Variants in DHRSX observed in about 807,000 individuals in gnomAD.
The protein encoded by DHRSX is polyprenol dehydrogenase.
DHRSX carries 31 observed loss-of-function variants against 34.0 expected under a neutral mutation model. The ratio of observed to expected loss-of-function variants is 0.91; its 90% CI spans 0.69 to 1.23. The LOEUF is 1.23. Ranked by LOEUF, DHRSX falls within the 50% of genes most tolerant of loss-of-function variation. DHRSX has a pLI of 0.00. For missense variants in DHRSX, 414 were observed against 428.1 expected, an observed-to-expected ratio of 0.97 and a Z score of 0.29; for synonymous variants, 201 against 183.8, an observed-to-expected ratio of 1.09 and a Z score of -0.76.
At chrX:2,418,550 T>C (rs935450259) in intron 2 of DHRSX, among the ~76,000 whole-genome samples, 1 of 152,188 alleles carries the variant, frequency 6.6e-6, no homozygotes, top group Non-Finnish European at 1.5e-5. Context: ...CCTAGCTAAA[T>C]TAAGAATTAA....
intron 1 of DHRSX, among the ~76,000 whole-genome samples, chrX:2,470,514 C>G (rs773343980): frequency 4.6e-5 from 7 of 152,056 alleles, no homozygotes; most frequent in Non-Finnish European, 7.4e-5. Flanking sequence ...TCAAGACCAG[C>G]CTGAGCAACA....
intron 2 of DHRSX, among the ~76,000 whole-genome samples, chrX:2,419,622 A>G (rs1000721134): frequency 2.0e-5 from 3 of 152,160 alleles, no homozygotes; most frequent in East Asian, 1.9e-4. Context: ...TATACACCAC[A>G]GAATACTATG....
At chrX:2,431,719 C>T (rs1213820515) in intron 1 of DHRSX, among the ~76,000 whole-genome samples, 1 of 152,030 alleles carries the variant, frequency 6.6e-6, no homozygotes, top group African/African-American at 2.4e-5. Flanking sequence ...TACAGATGGA[C>T]ATAAAGATGG....
chrX:2,495,267 T>C (rs2045252787), intron 1 of DHRSX, among the ~76,000 whole-genome samples: 2 of 151,596 alleles, frequency 1.3e-5, no homozygotes, highest in African/African-American at 4.8e-5. Context: ...AAGGTTTATA[T>C]TTTATCATTA....
chrX:2,243,788 G>GTTATTTT (rs2016203327), intron 5 of DHRSX, among the ~76,000 whole-genome samples: 1 of 25,168 alleles, frequency 4.0e-5, no homozygotes, highest in Non-Finnish European at 1.1e-4. Context: ...TATGCTCCCT[G>GTTATTTT]TTTTTTTTTT....
intron 1 of DHRSX, among the ~76,000 whole-genome samples, chrX:2,446,672 A>C (rs1433959205): frequency 6.6e-6 from 1 of 150,786 alleles, no homozygotes; most frequent in African/African-American, 2.4e-5. Context: ...TTCCCTAAAA[A>C]TGTGGCCAAG....
intron 1 of DHRSX, among the ~76,000 whole-genome samples, chrX:2,449,559 A>T (rs2044188775): frequency 6.6e-6 from 1 of 152,118 alleles, no homozygotes; most frequent in African/African-American, 2.4e-5. Flanking sequence ...CAGTGGCATG[A>T]TGCTAGCTCA....
chrX:2,263,669 A>G (rs2041396305), intron 5 of DHRSX, among the ~76,000 whole-genome samples: 1 of 151,402 alleles, frequency 6.6e-6, no homozygotes, highest in Non-Finnish European at 1.5e-5. Flanking sequence ...GTCCACCACC[A>G]CGCCTGGCTA....
chrX:2,434,068 G>A (rs925759521), intron 1 of DHRSX, among the ~76,000 whole-genome samples: 47 of 152,132 alleles, frequency 3.1e-4, no homozygotes, highest in Non-Finnish European at 5.9e-4. Flanking sequence ...GTGAGCCACC[G>A]CGCCCGGTCT....
At chrX:2,276,541 A>G (rs2041653662) in intron 4 of DHRSX, among the ~76,000 whole-genome samples, 1 of 152,138 alleles carries the variant, frequency 6.6e-6, no homozygotes. Context: ...ACGCAATACA[A>G]TTATCGTTCA....
At chrX:2,478,546 G>A (rs1380719600) in intron 1 of DHRSX, among the ~76,000 whole-genome samples, 3 of 151,970 alleles carry the variant, frequency 2.0e-5, no homozygotes, top group Non-Finnish European at 4.4e-5. Context: ...CCACCAGTGT[G>A]TACACATTGA....
intron 3 of DHRSX, among the ~76,000 whole-genome samples, chrX:2,361,794 C>G (rs915283425): frequency 6.6e-6 from 1 of 152,104 alleles, no homozygotes; most frequent in African/African-American, 2.4e-5. Flanking sequence ...GATTGACTGT[C>G]TGATTAGAGG....
intron 3 of DHRSX, among the ~76,000 whole-genome samples, chrX:2,373,715 C>T (rs2043107516): frequency 6.6e-6 from 1 of 152,126 alleles, no homozygotes; most frequent in South Asian, 2.1e-4. Context: ...TCAAGGGCCC[C>T]TGCGTACCTG....
At chrX:2,459,769 G>A (rs2044377537) in intron 1 of DHRSX, among the ~76,000 whole-genome samples, 1 of 151,928 alleles carries the variant, frequency 6.6e-6, no homozygotes, top group Admixed American at 6.6e-5. Flanking sequence ...TGTTCCAAGG[G>A]GCTCCAAGTT....
intron 4 of DHRSX, among the ~76,000 whole-genome samples, chrX:2,282,579 GGA>G (rs773402556): frequency 0.023 from 3,246 of 141,124 alleles, 71 homozygotes; most frequent in Middle Eastern, 0.051. Flanking sequence ...AAACAGAAAG[GGA>G]GAGAGAGAAG....
At chrX:2,268,678 A>G (rs2041508273) in intron 4 of DHRSX, among the ~76,000 whole-genome samples, 1 of 152,216 alleles carries the variant, frequency 6.6e-6, no homozygotes, top group South Asian at 2.1e-4. Context: ...ATTTATTCAC[A>G]TGTATATACA....
At chrX:2,368,165 C>T (rs1569494334) in intron 3 of DHRSX, among the ~76,000 whole-genome samples, 1 of 151,528 alleles carries the variant, frequency 6.6e-6, no homozygotes, top group Admixed American at 6.6e-5. Context: ...ATCACTTGAA[C>T]CTGGGAGGCA....
Position 2,425,229 on chromosome X carries a change from T to G in DHRSX, c.185A>C (p.His62Pro). 6.2e-7 allele frequency: 1 copy of G among 1,613,690 alleles called. No homozygotes were observed. Among genetic ancestry groups the G allele is most frequent in the South Asian group, 1.1e-5 (1 of 91,046 alleles). The change falls in exon 2 of 7, where the codon CAT (histidine) becomes CCT (proline). Residue 62 changes from histidine to proline, a missense_variant. Coordinates refer to ENST00000334651, the MANE Select transcript of DHRSX (RefSeq NM_145177.3). ...AACATGCATGCCAAGTCTCGCCAGA[T>G]GCTTCGCTGTAGAATAGCCAATGCC... ...TDGIGYSTAK[H>P]LARLGMHVII...
chrX:2,236,247 G>T (rs1286614135), intron 6 of DHRSX, among the ~76,000 whole-genome samples: 1 of 152,166 alleles, frequency 6.6e-6, no homozygotes, highest in East Asian at 1.9e-4. Context: ...TTTGTGAGGG[G>T]AAAGCAAGCG....
Sources: allele counts gnomAD v4.1 joint callset (sites outside exome capture counted in the v4.1 genomes callset), GRCh38; gene constraint gnomAD v4.1.1; transcripts MANE v1.5; gene names NCBI Gene and HGNC (gene_info 2026-07-23, HGNC 2026-07-21).